Variants in DNAAF9 observed in about 807,000 individuals in gnomAD.
DNAAF9 encodes the protein dynein axonemal assembly factor 9.
DNAAF9 carries 90 observed loss-of-function variants against 167.0 expected under a neutral mutation model. The ratio of observed to expected loss-of-function variants is 0.54; its 90% CI spans 0.45 to 0.64. DNAAF9 has a LOEUF of 0.64. Ranked by LOEUF, DNAAF9 falls within the 30% of genes least tolerant of loss-of-function variation. The pLI is 0.00. For synonymous variants in DNAAF9, 491 were observed against 508.8 expected (o/e 0.96, Z 0.47); for missense variants, 1,315 against 1,442.2 (o/e 0.91, Z 1.43).
At chr20:3,322,330 G>C in intron 15 of DNAAF9, 68 bp from the exon 16 acceptor site, 2 of 1,264,358 alleles carry the variant, frequency 1.6e-6, no homozygotes, top group Non-Finnish European at 2.3e-6. Context: ...TACAGTGTTT[G>C]CTTTTTTCAA....
At chr20:3,383,516 C>T (rs933972066) in intron 1 of DNAAF9, among the ~76,000 whole-genome samples, 3 of 151,872 alleles carry the variant, frequency 2.0e-5, no homozygotes, top group South Asian at 2.1e-4. Flanking sequence ...GATCCGTCCG[C>T]CTCATGCCTT....
intron 10 of DNAAF9, among the ~76,000 whole-genome samples, chr20:3,338,149 T>TCTG (rs1198864258): frequency 2.0e-5 from 3 of 151,516 alleles, no homozygotes; most frequent in Non-Finnish European, 4.4e-5. Context: ...ACAGGACAGA[T>TCTG]CTGCTAGTGA....
At chr20:3,300,420 C>G (rs539806468) in intron 21 of DNAAF9, among the ~76,000 whole-genome samples, 129 of 152,044 alleles carry the variant, frequency 8.5e-4, no homozygotes, top group Non-Finnish European at 1.4e-3. Context: ...TTCCCTAGTA[C>G]TTTACTCTTT....
intron 7 of DNAAF9, among the ~76,000 whole-genome samples, chr20:3,350,144 CACAGACACACAG>C (rs571833031): frequency 0.034 from 3,968 of 118,206 alleles, 78 homozygotes; most frequent in African/African-American, 0.043. Context: ...CACACAGACA[CACAGACACACAG>C]ACACACACAC....
intron 1 of DNAAF9, among the ~76,000 whole-genome samples, chr20:3,394,089 G>C (rs1331385687): frequency 1.3e-5 from 2 of 152,140 alleles, no homozygotes; most frequent in Non-Finnish European, 2.9e-5. Flanking sequence ...TGTAAACCCA[G>C]AACTTTGGAA....
intron 14 of DNAAF9, 71 bp downstream of exon 14, chr20:3,324,821 T>G (rs919934064): frequency 7.6e-6 from 6 of 791,138 alleles, no homozygotes; most frequent in East Asian, 4.9e-5. Context: ...AAATCTAAAT[T>G]ATAAGGGAAA....
At chr20:3,286,904 T>C (rs1214655053) in intron 27 of DNAAF9, among the ~76,000 whole-genome samples, 3 of 152,362 alleles carry the variant, frequency 2.0e-5, no homozygotes, top group Middle Eastern at 3.4e-3. Flanking sequence ...GTGAAAAGCA[T>C]GGCTCCTGTT....
chr20:3,292,476 AT>A (rs1944743025), intron 25 of DNAAF9, among the ~76,000 whole-genome samples: 1 of 151,708 alleles, frequency 6.6e-6, no homozygotes, highest in Non-Finnish European at 1.5e-5. Context: ...ATTAAGACTT[AT>A]GGTTCTGGGC....
chr20:3,335,086 C>T (rs1030756811), intron 10 of DNAAF9, among the ~76,000 whole-genome samples: 2 of 152,202 alleles, frequency 1.3e-5, no homozygotes, highest in Admixed American at 6.5e-5. Context: ...TGTGGATATA[C>T]ACTGGGTGGT....
intron 27 of DNAAF9, among the ~76,000 whole-genome samples, chr20:3,284,173 C>CTTTTTT (rs200633758): frequency 7.6e-5 from 9 of 118,232 alleles, no homozygotes; most frequent in African/African-American, 2.1e-4. Flanking sequence ...TTACTAGAGT[C>CTTTTTT]TTTTTTTTTT....
intron 25 of DNAAF9, among the ~76,000 whole-genome samples, chr20:3,292,059 T>C (rs1432805240): frequency 6.6e-6 from 1 of 151,216 alleles, no homozygotes; most frequent in Admixed American, 6.6e-5. Flanking sequence ...AGTACAGTGG[T>C]GCGATCTTGG....
intron 27 of DNAAF9, among the ~76,000 whole-genome samples, chr20:3,286,059 A>C (rs2068848678): frequency 6.6e-6 from 1 of 152,210 alleles, no homozygotes; most frequent in Non-Finnish European, 1.5e-5. Flanking sequence ...AGCATCTGGG[A>C]TCTCCCATCA....
intron 31 of DNAAF9, among the ~76,000 whole-genome samples, chr20:3,261,522 C>T (rs1355317540): frequency 6.6e-6 from 1 of 151,642 alleles, no homozygotes; most frequent in Admixed American, 6.6e-5. Flanking sequence ...TGCCCACCAC[C>T]ACGCCCAGCT....
intron 23 of DNAAF9, 165 bp downstream of exon 23, chr20:3,296,696 T>G: frequency 1.6e-6 from 1 of 638,818 alleles, no homozygotes; most frequent in Non-Finnish European, 2.8e-6. Context: ...TTGCCTTCTA[T>G]TCCCCCAAGG....
intron 1 of DNAAF9, among the ~76,000 whole-genome samples, chr20:3,386,956 C>T (rs573767916): frequency 7.9e-5 from 12 of 152,088 alleles, no homozygotes; most frequent in Non-Finnish European, 1.6e-4. Context: ...ACAGTGACTA[C>T]CAAACTGAGA....
intron 1 of DNAAF9, among the ~76,000 whole-genome samples, chr20:3,400,193 A>G (rs950354415): frequency 2.0e-5 from 3 of 152,258 alleles, no homozygotes; most frequent in Admixed American, 6.5e-5. Flanking sequence ...ATCACAAAGC[A>G]TTCACAATTC....
intron 30 of DNAAF9, among the ~76,000 whole-genome samples, chr20:3,265,005 G>A (rs1352864565): frequency 6.6e-6 from 1 of 152,060 alleles, no homozygotes; most frequent in Admixed American, 6.6e-5. Flanking sequence ...ACTTCAGTAT[G>A]CATCTCCCAA....
chr20:3,270,449 C>T lies in DNAAF9; in HGVS notation c.2764G>A (p.Ala922Thr). Residue 922 changes from alanine (A) to threonine (T), a missense_variant, in exon 30 of 37, where the codon GCA becomes ACA. Transcript: ENST00000252032. The part of the protein sequence containing the change: ...AANPAAAFIL[A>T]ENGIVTRNED... Reference sequence around the variant, plus strand: ...TACCTGGTGACAATCCCATTTTCTGCAAGAATGAAGGCTGCAGCAGGATTG... The same window carrying T: ...TACCTGGTGACAATCCCATTTTCTGTAAGAATGAAGGCTGCAGCAGGATTG... 6.2e-7 allele frequency: 1 copy of T among 1,613,992 alleles called. No individual in the cohort carries two copies. Among genetic ancestry groups the T allele is most frequent in the South Asian group, 1.1e-5 (1 of 91,078 alleles).
intron 9 of DNAAF9, among the ~76,000 whole-genome samples, chr20:3,341,381 T>G (rs1393579796): frequency 6.6e-6 from 1 of 152,040 alleles, no homozygotes; most frequent in Non-Finnish European, 1.5e-5. Flanking sequence ...AAGACTGCAC[T>G]CCCCTCAGTC....
Sources: gnomAD v4.1 joint callset for allele counts (sites outside exome capture counted in the v4.1 genomes callset) on GRCh38, gnomAD v4.1.1 for gene constraint, MANE v1.5 for transcripts, NCBI Gene and HGNC (gene_info 2026-07-23, HGNC 2026-07-21) for gene names.